PCSK5: variants seen among roughly 807,000 people sequenced by gnomAD.
The protein encoded by PCSK5 is prohormone convertase 5.
PCSK5 carries 129 observed loss-of-function variants against 233.2 expected under a neutral mutation model. That is an observed-to-expected ratio of 0.55 (90% CI 0.48 to 0.64). The LOEUF is 0.64. Ranked by LOEUF, PCSK5 falls within the 30% of genes least tolerant of loss-of-function variation. The probability of loss-of-function intolerance (pLI) is 0.00; values close to 1 mark genes in which losing one functional copy is unlikely to be tolerated. For missense variants in PCSK5, 2,076 were observed against 2,430.1 expected (o/e 0.85, Z 3.06); for synonymous variants, 825 against 879.2 (o/e 0.94, Z 1.09).
intron 17 of PCSK5, among the ~76,000 whole-genome samples, chr9:76,185,350 C>A (rs1301864902): frequency 1.3e-5 from 2 of 152,200 alleles, no homozygotes; most frequent in Non-Finnish European, 2.9e-5. Context: ...TAGGTAGCCT[C>A]TTGATCTCAG....
chr9:76,355,983 C>T (rs184101377), intron 37 of PCSK5, among the ~76,000 whole-genome samples: 5 of 152,136 alleles, frequency 3.3e-5, no homozygotes, highest in Non-Finnish European at 5.9e-5. Flanking sequence ...AGATTATAGG[C>T]GTGAGCTACC....
intron 3 of PCSK5, among the ~76,000 whole-genome samples, chr9:75,992,533 A>G (rs778457152): frequency 6.6e-6 from 1 of 152,178 alleles, no homozygotes; most frequent in African/African-American, 2.4e-5. Context: ...CTGTTAGCCA[A>G]TAATGATTTT....
At position 76,157,154 on chromosome 9, in the gene PCSK5, A is replaced by T; in HGVS notation, c.1422A>T (p.Arg474=). ...ACGTGTGTGTGGAGAGCACAGACCG[A>T]CAAATCAAGTAATGCTTGCTGCCGG... ...RQHVCVESTD[R]QIKTIRPNSA... Residue 474 remains arginine, a synonymous_variant, in exon 11 of 38, where the codon CGA becomes CGT. Transcript: ENST00000674117. 1 of 1,609,386 alleles carries T rather than the reference A, an allele frequency of 6.2e-7. No individual in the cohort carries two copies. Among genetic ancestry groups the T allele is most frequent in the East Asian group, 2.2e-5 (1 of 44,840 alleles).
At chr9:75,910,562 G>A (rs536923408) in intron 1 of PCSK5, among the ~76,000 whole-genome samples, 6 of 151,168 alleles carry the variant, frequency 4.0e-5, no homozygotes, top group South Asian at 2.1e-4. Flanking sequence ...GGTAAGCTTC[G>A]TTAGAAAATA....
chr9:76,343,461 C>T (rs1227167076), intron 35 of PCSK5, among the ~76,000 whole-genome samples: 2 of 151,502 alleles, frequency 1.3e-5, no homozygotes, highest in Non-Finnish European at 2.9e-5. Flanking sequence ...CCTCAGCCTC[C>T]CAAAGTGCTG....
rs200579439 is a variant in PCSK5, at chr9:75,902,214, TAAAAAAAAAAAA to T, written c.192+10859_192+10870del. ...CTGGGTGACAGAGTGAGACACCATC[TAAAAAAAAAAAA>T]AAAAAAAAAAAAAAAAAGAAAAGGA... On this transcript the variant is annotated intron_variant, in intron 1 of 37. Transcript: ENST00000674117. 2.6e-3 allele frequency among the ~76,000 whole-genome samples: 138 copies of T among 53,286 alleles called. 3 individuals are homozygous for T. The East Asian group carries it at 0.084, about 33-fold the overall frequency. 35.0% of individuals were successfully genotyped at this position (53,286 alleles called of 152,430 possible).
intron 3 of PCSK5, among the ~76,000 whole-genome samples, chr9:75,992,901 G>A (rs116144217): frequency 0.014 from 2,191 of 152,186 alleles, 21 homozygotes; most frequent in African/African-American, 0.019. Flanking sequence ...AGCTGAGTTC[G>A]GTTATGCGTG....
intron 20 of PCSK5, chr9:76,193,405 A>T: frequency 8.6e-7 from 1 of 1,161,652 alleles, no homozygotes; most frequent in Non-Finnish European, 1.1e-6. Context: ...ATTCCATATT[A>T]TTAAAAAGAA....
At chr9:76,129,870 A>G (rs1822686591) in intron 9 of PCSK5, among the ~76,000 whole-genome samples, 1 of 152,128 alleles carries the variant, frequency 6.6e-6, no homozygotes, top group Non-Finnish European at 1.5e-5. Context: ...AATGTAATGC[A>G]AATACTGGGT....
At chr9:76,104,709 T>G (rs1205103181) in intron 8 of PCSK5, among the ~76,000 whole-genome samples, 1 of 152,188 alleles carries the variant, frequency 6.6e-6, no homozygotes, top group South Asian at 2.1e-4. Flanking sequence ...TTTGTTTCTG[T>G]GCATTGAAAA....
rs568363872 is a variant in PCSK5 at position 75,920,419 on chromosome 9, G to A, written c.193-11960G>A. Among the ~76,000 whole-genome samples the A allele has an allele frequency of 1.0e-3, 155 of 152,224 alleles. 2 individuals are homozygous for A. Among genetic ancestry groups the A allele is most frequent in the Middle Eastern group, 6.8e-3 (2 of 294 alleles). On this transcript the variant is annotated intron_variant, in intron 1 of 37. Coordinates refer to ENST00000674117, the MANE Select transcript of PCSK5 (RefSeq NM_001372043.1). ...TCCTCCTGCCTCGGCCTCCCAAAGT[G>A]CTAGAATCTATCACATACTTTTAAT...
intron 7 of PCSK5, among the ~76,000 whole-genome samples, chr9:76,093,646 C>T (rs1215159612): frequency 6.6e-6 from 1 of 151,982 alleles, no homozygotes. Context: ...GAGTCTTTGT[C>T]TATCATCTGT....
At chr9:75,894,231 A>G (rs373813528) in intron 1 of PCSK5, among the ~76,000 whole-genome samples, 1 of 152,306 alleles carries the variant, frequency 6.6e-6, no homozygotes, top group African/African-American at 2.4e-5. Flanking sequence ...TGAGTAAGGT[A>G]GTAAATTTTC....
At chr9:75,901,764 T>C (rs1473324723) in intron 1 of PCSK5, among the ~76,000 whole-genome samples, 1 of 152,172 alleles carries the variant, frequency 6.6e-6, no homozygotes, top group African/African-American at 2.4e-5. Context: ...TTGATGACTA[T>C]ATAAAAATGT....
intron 2 of PCSK5, among the ~76,000 whole-genome samples, chr9:75,948,144 G>T (rs1824663118): frequency 6.6e-6 from 1 of 151,994 alleles, no homozygotes; most frequent in African/African-American, 2.4e-5. Flanking sequence ...ATCATGCCTG[G>T]CTTCCCCACA....
intron 1 of PCSK5, among the ~76,000 whole-genome samples, chr9:75,896,306 G>A (rs1825802672): frequency 6.6e-6 from 1 of 152,206 alleles, no homozygotes; most frequent in Non-Finnish European, 1.5e-5. Context: ...GGGTCTATTT[G>A]AAGTGAAAAA....
chr9:76,255,657 C>G (rs1186530834), intron 24 of PCSK5, among the ~76,000 whole-genome samples: 1 of 152,090 alleles, frequency 6.6e-6, no homozygotes, highest in Non-Finnish European at 1.5e-5. Context: ...ATCAAGGCCC[C>G]ATTTCTACAA....
At chr9:76,278,102 T>C (rs918496109) in intron 24 of PCSK5, among the ~76,000 whole-genome samples, 8 of 152,190 alleles carry the variant, frequency 5.3e-5, no homozygotes, top group Non-Finnish European at 1.5e-5. Flanking sequence ...GACATGCTGC[T>C]GCTACTCCAA....
At chr9:76,201,821 A>G (rs1824926274) in intron 20 of PCSK5, among the ~76,000 whole-genome samples, 1 of 152,226 alleles carries the variant, frequency 6.6e-6, no homozygotes, top group Non-Finnish European at 1.5e-5. Flanking sequence ...CTTTGTAAAG[A>G]GGCTATTGTT....
Sources: gnomAD v4.1 joint callset for allele counts (sites outside exome capture counted in the v4.1 genomes callset) on GRCh38, gnomAD v4.1.1 for gene constraint, MANE v1.5 for transcripts, NCBI Gene and HGNC (gene_info 2026-07-23, HGNC 2026-07-21) for gene names.